HADHB: variants seen among roughly 807,000 people sequenced by gnomAD.
HADHB encodes hydroxyacyl-CoA dehydrogenase trifunctional multienzyme complex subunit beta.
HADHB carries 50 observed loss-of-function variants against 61.9 expected under a neutral mutation model. The ratio of observed to expected loss-of-function variants is 0.81; its 90% CI spans 0.64 to 1.02. HADHB has a LOEUF of 1.02. Among genes scored for constraint, HADHB ranks in the 50% least tolerant of loss-of-function variants. The pLI, the probability that HADHB is intolerant of heterozygous loss-of-function variation, is 0.00. For synonymous variants in HADHB, 191 were observed against 201.6 expected, an observed-to-expected ratio of 0.95 and a Z score of 0.45; for missense variants, 504 against 586.5, an observed-to-expected ratio of 0.86 and a Z score of 1.45.
chr2:26,255,446 C>T (rs1671568480), intron 3 of HADHB, among the ~76,000 whole-genome samples: 1 of 151,394 alleles, frequency 6.6e-6, no homozygotes, highest in Non-Finnish European at 1.5e-5. Context: ...TTGCAGTGAG[C>T]CGAGGTCACA....
intron 3 of HADHB, among the ~76,000 whole-genome samples, chr2:26,259,710 A>T (rs762109542): frequency 6.6e-6 from 1 of 152,236 alleles, no homozygotes; most frequent in South Asian, 2.1e-4. Context: ...ACTTTATAAT[A>T]TGCTAAATTA....
At chr2:26,249,126 T>A (rs555226142) in intron 1 of HADHB, among the ~76,000 whole-genome samples, 6 of 152,326 alleles carry the variant, frequency 3.9e-5, no homozygotes, top group African/African-American at 1.4e-4. Flanking sequence ...TTATTTGGCA[T>A]TTTAATTTCT....
rs186476908 is a variant in HADHB at position 26,249,382 on chromosome 2, G to A, written c.-9+4392G>A. On this transcript the variant is annotated intron_variant, in intron 1 of 15. Transcript: ENST00000317799. Reference sequence around the variant, plus strand: ...AAAAATTAGCCTGGTATGGTGGTGTGCGCCTGTAGTCCCAGTTACTCGGGA... The same window carrying A: ...AAAAATTAGCCTGGTATGGTGGTGTACGCCTGTAGTCCCAGTTACTCGGGA... 3.1e-4 allele frequency among the ~76,000 whole-genome samples: 47 copies of A among 151,942 alleles called. 1 individual carries two copies. In the East Asian group the frequency reaches 9.2e-3, roughly 30 times the overall value.
At chr2:26,267,771 CAAAAAAA>C (rs772133699) in intron 4 of HADHB, among the ~76,000 whole-genome samples, 17 of 67,466 alleles carry the variant, frequency 2.5e-4, no homozygotes, top group Non-Finnish European at 4.5e-4. Context: ...GACTCTGTCT[CAAAAAAA>C]AAAAAAAAAA....
chr2:26,280,853 CAAAAAAAAAAAAAAAAA>C (rs10560210), intron 10 of HADHB, among the ~76,000 whole-genome samples: 3 of 49,152 alleles, frequency 6.1e-5, no homozygotes, highest in African/African-American at 2.5e-4. Context: ...ACTCCCATCT[CAAAAAAAAAAAAAAAAA>C]AAAAAAAAAA....
chr2:26,277,009 A>C (rs1158551357), intron 6 of HADHB, 64 bp from the exon 7 acceptor site: 1 of 832,098 alleles, frequency 1.2e-6, no homozygotes, highest in Admixed American at 1.7e-5. Flanking sequence ...ATTAGTGCTC[A>C]AAGCATCATT....
chr2:26,275,283 G>C (rs1350675087), intron 6 of HADHB, among the ~76,000 whole-genome samples: 1 of 152,114 alleles, frequency 6.6e-6, no homozygotes, highest in African/African-American at 2.4e-5. Flanking sequence ...AGTTTCTTAG[G>C]CCCTATTGCC....
intron 4 of HADHB, 46 bp downstream of exon 4, chr2:26,263,525 C>G (rs777677982): frequency 1.7e-6 from 2 of 1,159,856 alleles, no homozygotes; most frequent in South Asian, 2.4e-5. Flanking sequence ...TTTTAAGACA[C>G]TTTCAAAAGT....
chr2:26,285,758 G>GTTTTTTTTTTTTTTTTTTTTTTT (rs1673009558), intron 15 of HADHB, among the ~76,000 whole-genome samples, 187 bp downstream of exon 15: 1 of 5,802 alleles, frequency 1.7e-4, no homozygotes, highest in Non-Finnish European at 7.0e-4. Flanking sequence ...TTTTTTTTTT[G>GTTTTTTTTTTTTTTTTTTTTTTT]AGACAGTCTT....
chr2:26,249,303 G>A (rs1204393250), intron 1 of HADHB, among the ~76,000 whole-genome samples: 1 of 152,074 alleles, frequency 6.6e-6, no homozygotes, highest in African/African-American at 2.4e-5. Context: ...GGAGGCTCAG[G>A]AGTTCGAGAC....
intron 9 of HADHB, 28 bp downstream of exon 9, chr2:26,279,343 T>C (rs901942482): frequency 7.3e-6 from 11 of 1,506,998 alleles, no homozygotes; most frequent in South Asian, 2.2e-5. Flanking sequence ...ATGACACTTA[T>C]TAGGGAGTTC....
chr2:26,285,261 T>C, intron 14 of HADHB, 146 bp from the exon 15 acceptor site: 1 of 700,986 alleles, frequency 1.4e-6, no homozygotes, highest in Non-Finnish European at 2.5e-6. Context: ...TGACCTAGAC[T>C]TACTTTCTTT....
At chr2:26,265,475 A>G (rs1427805299) in intron 4 of HADHB, among the ~76,000 whole-genome samples, 1 of 152,138 alleles carries the variant, frequency 6.6e-6, no homozygotes, top group African/African-American at 2.4e-5. Flanking sequence ...GCATGCCTGT[A>G]GTCCCAGCTA....
intron 10 of HADHB, among the ~76,000 whole-genome samples, chr2:26,280,696 T>C (rs896278142): frequency 2.6e-5 from 4 of 151,598 alleles, no homozygotes; most frequent in African/African-American, 9.7e-5. Context: ...CTACTAAAAA[T>C]ACAAAATTAG....
At chr2:26,279,338 A>C (rs200157060) in intron 9 of HADHB, 23 bp downstream of exon 9, 191 of 1,530,910 alleles carry the variant, frequency 1.2e-4, no homozygotes, top group Non-Finnish European at 2.2e-5. Flanking sequence ...GCTTCATGAC[A>C]CTTATTAGGG....
intron 1 of HADHB, among the ~76,000 whole-genome samples, chr2:26,253,144 C>T (rs1415573783): frequency 6.6e-6 from 1 of 150,484 alleles, no homozygotes; most frequent in Non-Finnish European, 1.5e-5. Context: ...TAGTGTTTTC[C>T]TTAGTAATCT....
chr2:26,288,099 T>A (rs759785418), intron 15 of HADHB, among the ~76,000 whole-genome samples: 1 of 152,002 alleles, frequency 6.6e-6, no homozygotes, highest in Non-Finnish European at 1.5e-5. Flanking sequence ...AAACCTCGTC[T>A]CTACCAAAAA....
At chr2:26,272,341 T>C (rs1488348941) in intron 5 of HADHB, among the ~76,000 whole-genome samples, 2 of 148,978 alleles carry the variant, frequency 1.3e-5, no homozygotes, top group African/African-American at 4.9e-5. Flanking sequence ...TATGGTCCCA[T>C]TTGTCTTTTT....
intron 5 of HADHB, among the ~76,000 whole-genome samples, chr2:26,271,762 T>C (rs1342346745): frequency 2.6e-5 from 4 of 151,980 alleles, no homozygotes; most frequent in Non-Finnish European, 4.4e-5. Flanking sequence ...CTAAGCAACA[T>C]AGTAAGACTC....
Sources: gnomAD v4.1 joint callset for allele counts (sites outside exome capture counted in the v4.1 genomes callset) on GRCh38, gnomAD v4.1.1 for gene constraint, MANE v1.5 for transcripts, NCBI Gene and HGNC (gene_info 2026-07-23, HGNC 2026-07-21) for gene names.